The following MARCHF4 variants were observed in gnomAD, a reference collection of about 807,000 sequenced individuals.
The protein encoded by MARCHF4 is E3 ubiquitin-protein ligase MARCHF4.
A neutral mutation model predicts 43.9 loss-of-function variants in MARCHF4; 14 were observed. The ratio of observed to expected loss-of-function variants is 0.32; its 90% confidence interval spans 0.21 to 0.50. The LOEUF (loss-of-function observed/expected upper bound fraction) is 0.50, where lower values mean the gene tolerates loss of function less well. Among genes scored for constraint, MARCHF4 ranks in the 20% least tolerant of loss-of-function variants. The pLI, the probability that MARCHF4 is intolerant of heterozygous loss-of-function variation, is 0.98. For synonymous variants in MARCHF4, 226 were observed against 213.3 expected, an observed-to-expected ratio of 1.06 and a Z score of -0.52; for missense variants, 468 against 536.7, an observed-to-expected ratio of 0.87 and a Z score of 1.27.
intron 1 of MARCHF4, among the ~76,000 whole-genome samples, chr2:216,356,139 C>CT (rs1481883584): frequency 1.3e-5 from 2 of 152,228 alleles, no homozygotes; most frequent in Non-Finnish European, 2.9e-5. Context: ...TGCGAAGGCA[C>CT]TTTTTTGGCG....
chr2:216,346,908 A>C (rs1428492901), intron 1 of MARCHF4, among the ~76,000 whole-genome samples: 2 of 152,098 alleles, frequency 1.3e-5, no homozygotes, highest in Non-Finnish European at 2.9e-5. Flanking sequence ...AGGTGATTAG[A>C]TCATGGGGGG....
intron 3 of MARCHF4, among the ~76,000 whole-genome samples, chr2:216,271,288 C>A (rs1690931527): frequency 6.6e-6 from 1 of 152,178 alleles, no homozygotes; most frequent in African/African-American, 2.4e-5. Context: ...CTCTGCACCT[C>A]CATACAATGC....
chr2:216,310,055 C>T (rs1381095726), intron 1 of MARCHF4, among the ~76,000 whole-genome samples: 1 of 151,730 alleles, frequency 6.6e-6, no homozygotes, highest in Non-Finnish European at 1.5e-5. Flanking sequence ...GATTATCCTT[C>T]CCATTTTATG....
At chr2:216,337,350 G>A (rs78444883) in intron 1 of MARCHF4, among the ~76,000 whole-genome samples, 2,696 of 152,248 alleles carry the variant, frequency 0.018, 73 homozygotes, top group African/African-American at 0.061. Flanking sequence ...CACATTTGAT[G>A]TCTTGAAAAG....
intron 1 of MARCHF4, among the ~76,000 whole-genome samples, chr2:216,312,684 C>T (rs1290991242): frequency 6.6e-6 from 1 of 152,028 alleles, no homozygotes; most frequent in Non-Finnish European, 1.5e-5. Context: ...GCTTGGATGT[C>T]TTCTTTCGAG....
chr2:216,368,298 AG>A (rs2105988290), intron 1 of MARCHF4, among the ~76,000 whole-genome samples: 1 of 152,348 alleles, frequency 6.6e-6, no homozygotes, highest in Non-Finnish European at 1.5e-5. Flanking sequence ...GCTCTGCCAG[AG>A]CCTGGTGCTG....
intron 1 of MARCHF4, among the ~76,000 whole-genome samples, chr2:216,307,070 A>G (rs1013258967): frequency 3.3e-5 from 5 of 152,134 alleles, no homozygotes; most frequent in African/African-American, 1.2e-4. Flanking sequence ...CCCTGGGAGC[A>G]GCACGACTTC....
chr2:216,289,813 G>A (rs974980839), intron 1 of MARCHF4, among the ~76,000 whole-genome samples: 1 of 152,192 alleles, frequency 6.6e-6, no homozygotes, highest in Non-Finnish European at 1.5e-5. Context: ...AGAAAAAGGA[G>A]ACAATAGGAA....
intron 1 of MARCHF4, among the ~76,000 whole-genome samples, chr2:216,295,457 G>T (rs1195219986): frequency 2.0e-5 from 3 of 152,104 alleles, no homozygotes; most frequent in Non-Finnish European, 4.4e-5. Context: ...ATGGGGTCTC[G>T]CCATGTTGCC....
intron 1 of MARCHF4, among the ~76,000 whole-genome samples, chr2:216,293,041 C>T (rs533586440): frequency 2.9e-4 from 44 of 152,290 alleles, no homozygotes; most frequent in Non-Finnish European, 4.9e-4. Flanking sequence ...GGAGACAGGC[C>T]GATTGGCAAG....
At chr2:216,355,499 GA>G (rs1406015420) in intron 1 of MARCHF4, among the ~76,000 whole-genome samples, 2 of 152,096 alleles carry the variant, frequency 1.3e-5, no homozygotes, top group African/African-American at 4.8e-5. Flanking sequence ...TGCATTTGTA[GA>G]AAGAATAAAA....
At chr2:216,288,160 T>C (rs1011794397) in intron 1 of MARCHF4, among the ~76,000 whole-genome samples, 12 of 152,222 alleles carry the variant, frequency 7.9e-5, no homozygotes, top group Non-Finnish European at 1.5e-4. Context: ...AGGTGAGATT[T>C]CACCACGTAG....
intron 1 of MARCHF4, among the ~76,000 whole-genome samples, chr2:216,298,237 A>G (rs1361928892): frequency 6.8e-5 from 7 of 102,772 alleles, no homozygotes; most frequent in African/African-American, 2.3e-4. Context: ...TTTCCAGACT[A>G]CTTTTACCAG....
intron 1 of MARCHF4, among the ~76,000 whole-genome samples, chr2:216,365,063 C>T (rs1026965253): frequency 2.6e-5 from 4 of 152,150 alleles, no homozygotes; most frequent in African/African-American, 9.7e-5. Context: ...TAAATAACCA[C>T]ACAAAGAAAT....
At chr2:216,276,050 A>G (rs541748126) in intron 3 of MARCHF4, among the ~76,000 whole-genome samples, 1 of 152,304 alleles carries the variant, frequency 6.6e-6, no homozygotes, top group East Asian at 1.9e-4. Context: ...TGGGAAATCA[A>G]TGTTTGTTGT....
intron 3 of MARCHF4, among the ~76,000 whole-genome samples, chr2:216,277,226 T>C (rs1375189730): frequency 6.6e-6 from 1 of 152,068 alleles, no homozygotes; most frequent in Non-Finnish European, 1.5e-5. Flanking sequence ...TAGAGAAAGC[T>C]GGAATAAGGC....
At chr2:216,263,947 A>T (rs1690801694) in intron 3 of MARCHF4, among the ~76,000 whole-genome samples, 3 of 152,114 alleles carry the variant, frequency 2.0e-5, no homozygotes, top group Non-Finnish European at 4.4e-5. Context: ...GGGCCCTGTG[A>T]TGGTGGGTGA....
chr2:216,269,428 A>G (rs1033075228), intron 3 of MARCHF4, among the ~76,000 whole-genome samples: 3 of 152,208 alleles, frequency 2.0e-5, no homozygotes, highest in Non-Finnish European at 4.4e-5. Context: ...AGATATAATC[A>G]GATCTTCTCA....
At chr2:216,349,721 AG>A (rs1011185717) in intron 1 of MARCHF4, among the ~76,000 whole-genome samples, 1 of 152,186 alleles carries the variant, frequency 6.6e-6, no homozygotes, top group Non-Finnish European at 1.5e-5. Flanking sequence ...ATGGAGATGC[AG>A]GCAGTGGGGA....
Sources: allele counts gnomAD v4.1 joint callset (sites outside exome capture counted in the v4.1 genomes callset), GRCh38; gene constraint gnomAD v4.1.1; transcripts MANE v1.5; gene names NCBI Gene and HGNC (gene_info 2026-07-23, HGNC 2026-07-21).